The following CTNNB1 variants were observed in gnomAD, a reference collection of about 807,000 sequenced individuals.
CTNNB1 encodes catenin beta-1.
Under a neutral mutation model 82.5 loss-of-function variants are expected in CTNNB1, and 6 were observed. The ratio of observed to expected loss-of-function variants is 0.07; its 90% CI spans 0.04 to 0.14. The LOEUF (loss-of-function observed/expected upper bound fraction) is 0.14. Among genes scored for constraint, CTNNB1 ranks in the 10% least tolerant of loss-of-function variants. The pLI is 1.00. For missense variants in CTNNB1, 529 were observed against 980.4 expected (o/e 0.54, Z 6.15); for synonymous variants, 312 against 329.7 (o/e 0.95, Z 0.58).
intron 1 of CTNNB1, among the ~76,000 whole-genome samples, chr3:41,204,784 G>A (rs1217310852): frequency 6.6e-6 from 1 of 152,232 alleles, no homozygotes; most frequent in African/African-American, 2.4e-5. Flanking sequence ...TCCCTCTGCA[G>A]TAGTACCATT....
chr3:41,201,769 A>G (rs2077535885), intron 1 of CTNNB1, among the ~76,000 whole-genome samples: 1 of 152,190 alleles, frequency 6.6e-6, no homozygotes, highest in Admixed American at 6.5e-5. Context: ...AGAGTATGGA[A>G]GAGGGGTTTT....
At chr3:41,208,363 T>C (rs541568470) in intron 1 of CTNNB1, among the ~76,000 whole-genome samples, 1 of 152,328 alleles carries the variant, frequency 6.6e-6, no homozygotes, top group East Asian at 1.9e-4. Context: ...CTTGATTTCT[T>C]CTCCAGTGAT....
intron 11 of CTNNB1, 96 bp downstream of exon 11, chr3:41,235,939 G>A (rs1438978991): frequency 7.2e-7 from 1 of 1,395,310 alleles, no homozygotes; most frequent in East Asian, 2.3e-5. Flanking sequence ...CCATAATAGG[G>A]TTACCAACAT....
intron 14 of CTNNB1, 59 bp from the exon 15 acceptor site, chr3:41,239,075 C>G (rs547539849): frequency 2.1e-6 from 3 of 1,401,490 alleles, no homozygotes; most frequent in Non-Finnish European, 3.0e-6. Flanking sequence ...ATGTCTGCTT[C>G]TCTCCTCTCT....
At chr3:41,233,140 G>C (rs2078349924) in intron 7 of CTNNB1, 1 of 627,942 alleles carries the variant, frequency 1.6e-6, no homozygotes, top group South Asian at 1.9e-5. Flanking sequence ...CTATTTGAGA[G>C]TTTGTCACTA....
chr3:41,237,985 A>G (rs757486182), intron 13 of CTNNB1, 31 bp from the exon 14 acceptor site: 9 of 1,602,770 alleles, frequency 5.6e-6, no homozygotes, highest in Admixed American at 3.3e-5. Context: ...TTTGCTTTCT[A>G]TTCTTCCTTG....
At chr3:41,218,885 C>T (rs2077975697) in intron 1 of CTNNB1, among the ~76,000 whole-genome samples, 1 of 152,130 alleles carries the variant, frequency 6.6e-6, no homozygotes. Flanking sequence ...ATACTTTTTT[C>T]CATCCTATTC....
rs747276254 is a variant in CTNNB1, at chr3:41,234,306, AT to A, written c.1683+11del. On this transcript the variant is annotated intron_variant, in intron 10 of 14. Coordinates refer to ENST00000349496, the MANE Select transcript of CTNNB1 (RefSeq NM_001904.4). ...CACAGCAGCAATTTGTGGTAGGTAA[AT>A]TCTTACAGTGATACCTGGCTATCTA... The A allele has an allele frequency of 1.6e-5, 26 of 1,614,066 alleles. No homozygotes were observed. The East Asian group carries it at 5.3e-4, about 33-fold the overall frequency.
At chr3:41,238,439 A>G (rs958844594) in intron 14 of CTNNB1, 3 of 234,310 alleles carry the variant, frequency 1.3e-5, no homozygotes, top group Non-Finnish European at 2.5e-5. Context: ...CTAGGCTCAG[A>G]TCTCGGGTGG....
At chr3:41,235,383 C>A in intron 10 of CTNNB1, 1 of 274,586 alleles carries the variant, frequency 3.6e-6, no homozygotes, top group Non-Finnish European at 7.0e-6. Flanking sequence ...AAAAGAAAAA[C>A]GTTGACATAG....
intron 10 of CTNNB1, 57 bp downstream of exon 10, chr3:41,234,354 G>A: frequency 1.3e-6 from 2 of 1,584,554 alleles, no homozygotes; most frequent in Non-Finnish European, 8.7e-7. Context: ...TAAATCCAAA[G>A]GATCCTGAAC....
intron 1 of CTNNB1, among the ~76,000 whole-genome samples, chr3:41,214,730 C>T (rs1337345268): frequency 6.6e-6 from 1 of 151,894 alleles, no homozygotes; most frequent in African/African-American, 2.4e-5. Flanking sequence ...AACTACTGCC[C>T]ACCATCTGTT....
intron 1 of CTNNB1, among the ~76,000 whole-genome samples, chr3:41,201,779 T>C (rs747159162): frequency 6.6e-6 from 1 of 152,154 alleles, no homozygotes; most frequent in Non-Finnish European, 1.5e-5. Flanking sequence ...AGAGGGGTTT[T>C]TTAAACTGTT....
At chr3:41,233,240 G>T (rs1283437985) in intron 7 of CTNNB1, 101 bp from the exon 8 acceptor site, 6 of 964,206 alleles carry the variant, frequency 6.2e-6, no homozygotes, top group Non-Finnish European at 9.9e-6. Context: ...AGTAAACTCT[G>T]GAAATACAGA....
intron 1 of CTNNB1, among the ~76,000 whole-genome samples, chr3:41,208,856 A>G (rs1164634597): frequency 6.6e-6 from 1 of 152,124 alleles, no homozygotes; most frequent in Admixed American, 6.5e-5. Flanking sequence ...ATGAGCAAAC[A>G]TGGTATTATC....
rs2078278694 is a variant in CTNNB1, at chr3:41,230,296, T to C, written c.1081+2944T>C. On this transcript the variant is annotated intron_variant, in intron 7 of 14. Coordinates refer to ENST00000349496, the MANE Select transcript of CTNNB1 (RefSeq NM_001904.4). ...GGCTAAAAATACAGATTTTGAGATT[T>C]ATTTAATCAGAATCCCTGGAGTGTT... 3.3e-5 allele frequency among the ~76,000 whole-genome samples: 5 copies of C among 152,216 alleles called. No individual in the cohort carries two copies. In the South Asian group the frequency reaches 1.0e-3, roughly 32 times the overall value.
intron 1 of CTNNB1, among the ~76,000 whole-genome samples, chr3:41,201,836 A>G (rs2077539283): frequency 6.6e-6 from 1 of 152,168 alleles, no homozygotes; most frequent in African/African-American, 2.4e-5. Flanking sequence ...GTGTATTTCC[A>G]GTATTAAAAT....
At chr3:41,235,136 G>A (rs2078404979) in intron 10 of CTNNB1, 1 of 154,366 alleles carries the variant, frequency 6.5e-6, no homozygotes, top group South Asian at 2.0e-4. Flanking sequence ...GCTGCTAAAT[G>A]TAGCAGAATA....
In CTNNB1 at chr3:41,239,206, A is replaced by G. The variant is rs746895877; in HGVS notation, c.2210A>G (p.His737Arg). Residue 737 changes from histidine (H) to arginine (R), a missense_variant, in exon 15 of 15, where the codon CAT becomes CGT. His to Arg is a conservative substitution (Grantham distance 29, BLOSUM62 0). Coordinates refer to ENST00000349496, the MANE Select transcript of CTNNB1 (RefSeq NM_001904.4). Reference protein sequence around the residue: ...DALGMDPMMEHEMGGHHPGAD... With the variant: ...DALGMDPMMEREMGGHHPGAD... ...TTGGGTATGGACCCCATGATGGAAC[A>G]TGAGATGGGTGGCCACCACCCTGGT... 1.2e-6 allele frequency: 2 copies of G among 1,614,180 alleles called. No homozygotes were observed. The highest frequency in any genetic ancestry group is 1.7e-6 in the Non-Finnish European group (2 of 1,180,026).
Sources: gnomAD v4.1 joint callset for allele counts (sites outside exome capture counted in the v4.1 genomes callset) on GRCh38, gnomAD v4.1.1 for gene constraint, MANE v1.5 for transcripts, NCBI Gene and HGNC (gene_info 2026-07-23, HGNC 2026-07-21) for gene names.